Variants in CNTNAP2 observed in about 807,000 individuals in gnomAD.
The protein encoded by CNTNAP2 is contactin-associated protein-like 2.
A neutral mutation model predicts 155.2 loss-of-function variants in CNTNAP2; 98 were observed. The observed-to-expected ratio is 0.63, with a 90% CI of 0.54 to 0.75. CNTNAP2 has a LOEUF of 0.75. Among genes scored for constraint, CNTNAP2 ranks in the 30% least tolerant of loss-of-function variants. The probability of loss-of-function intolerance (pLI) is 0.00; values close to 1 mark genes in which losing one functional copy is unlikely to be tolerated. For synonymous variants in CNTNAP2, 651 were observed against 631.2 expected (o/e 1.03, Z -0.47); for missense variants, 1,727 against 1,688.1 (o/e 1.02, Z -0.40).
At chr7:147,884,503 A>T (rs902719217) in intron 13 of CNTNAP2, among the ~76,000 whole-genome samples, 2 of 152,190 alleles carry the variant, frequency 1.3e-5, no homozygotes, top group African/African-American at 2.4e-5. Context: ...AGAAAAAAAA[A>T]AAAATGACTA....
At chr7:146,294,932 A>G (rs1401207422) in intron 1 of CNTNAP2, among the ~76,000 whole-genome samples, 1 of 152,202 alleles carries the variant, frequency 6.6e-6, no homozygotes, top group Non-Finnish European at 1.5e-5. Flanking sequence ...TAGAGATTAT[A>G]TGCTTTTTAT....
chr7:147,181,612 G>C (rs1802456229), intron 8 of CNTNAP2, among the ~76,000 whole-genome samples: 1 of 151,998 alleles, frequency 6.6e-6, no homozygotes, highest in Non-Finnish European at 1.5e-5. Context: ...TTTTTAAGCA[G>C]GTGAAGTACA....
In CNTNAP2 at chr7:148,418,601, C is replaced by T. The variant is rs1463903507; in HGVS notation, c.*2985C>T. ...TGCAAGGTTAGTGAGATCCTAAGCT[C>T]TCAAAATAGCATATTCCCTAGAGCT... On this transcript the variant is annotated 3_prime_UTR_variant, in exon 24 of 24. Coordinates refer to ENST00000361727, the MANE Select transcript of CNTNAP2 (RefSeq NM_014141.6). The T allele has an allele frequency of 6.6e-6, 1 of 152,200 alleles. No individual in the cohort carries two copies. Among genetic ancestry groups the T allele is most frequent in the African/African-American group, 2.4e-5 (1 of 41,448 alleles). 9.4% of individuals were successfully genotyped at this position (152,200 alleles called of 1,614,324 possible). A position where few individuals can be genotyped will look rare whatever the true frequency, so the allele number is the denominator to read the frequency against.
intron 4 of CNTNAP2, among the ~76,000 whole-genome samples, chr7:147,066,692 A>C (rs1799785716): frequency 6.6e-6 from 1 of 152,202 alleles, no homozygotes; most frequent in South Asian, 2.1e-4. Flanking sequence ...AAATGTTGGC[A>C]TCAGTAATTA....
intron 12 of CNTNAP2, among the ~76,000 whole-genome samples, chr7:147,567,211 C>T (rs1021505942): frequency 2.0e-5 from 3 of 152,174 alleles, no homozygotes; most frequent in Non-Finnish European, 2.9e-5. Context: ...CATAGGACAC[C>T]AGCAAAATCT....
intron 15 of CNTNAP2, among the ~76,000 whole-genome samples, chr7:148,052,311 A>G (rs1010869933): frequency 1.3e-5 from 2 of 148,292 alleles, no homozygotes; most frequent in Non-Finnish European, 3.0e-5. Flanking sequence ...TATGTTTTTA[A>G]AAACTTTTAA....
rs73160678 is a variant in CNTNAP2, at chr7:146,141,592, T to C, written c.97+24619T>C. ...AAGTTTTAGATTCACTTGTGAATTA[T>C]TTATTAATTGTAAGATTGTACCTTT... is the stretch of plus-strand genomic sequence containing the variant. On this transcript the variant is annotated intron_variant, in intron 1 of 23. Coordinates refer to ENST00000361727, the MANE Select transcript of CNTNAP2 (RefSeq NM_014141.6). Among the ~76,000 whole-genome samples, 344 of 152,314 alleles carry C rather than the reference T, an allele frequency of 2.3e-3. 2 individuals carry two copies. Among genetic ancestry groups the C allele is most frequent in the Non-Finnish European group, 3.6e-3 (248 of 68,018 alleles).
intron 13 of CNTNAP2, among the ~76,000 whole-genome samples, chr7:147,865,939 C>A (rs1799218810): frequency 6.6e-6 from 1 of 151,996 alleles, no homozygotes; most frequent in African/African-American, 2.4e-5. Flanking sequence ...CTGCTCTGAT[C>A]TTAGTTATTT....
chr7:146,483,306 T>TATATATATATATATATAC (rs1797002736), intron 1 of CNTNAP2, among the ~76,000 whole-genome samples: 2 of 90,622 alleles, frequency 2.2e-5, no homozygotes, highest in Non-Finnish European at 4.3e-5. Context: ...TATATATATA[T>TATATATATATATATATAC]ATATATATAT....
intron 3 of CNTNAP2, among the ~76,000 whole-genome samples, chr7:147,003,511 A>T (rs1018358459): frequency 3.3e-5 from 5 of 152,010 alleles, no homozygotes; most frequent in African/African-American, 4.8e-5. Context: ...ATGATAAAAA[A>T]TGGGGAATAG....
At position 147,706,812 on chromosome 7, in the gene CNTNAP2, T is replaced by A. The variant is rs539058899; in HGVS notation, c.2098+67506T>A. Among the ~76,000 whole-genome samples, 286 of 152,294 alleles carry A rather than the reference T, an allele frequency of 1.9e-3. 1 individual carries two copies. The highest frequency in any genetic ancestry group is 0.01 in the Middle Eastern group (3 of 292). ...GTGTTCCATATGCCACAAGGCTTTG[T>A]TCATTCTTTTTAATTTTTTAAAATT... On this transcript the variant is annotated intron_variant, in intron 13 of 23. Transcript: ENST00000361727.
At chr7:146,195,174 G>A (rs1206478221) in intron 1 of CNTNAP2, 2 of 152,154 alleles carry the variant, frequency 1.3e-5, no homozygotes, top group African/African-American at 4.8e-5. Flanking sequence ...GCTTGCTGCA[G>A]TATTTATGTA....
intron 15 of CNTNAP2, among the ~76,000 whole-genome samples, chr7:148,099,868 G>GTTTTTTTTTTT (rs751537152): frequency 7.9e-5 from 7 of 88,804 alleles, no homozygotes; most frequent in Non-Finnish European, 1.0e-4. Flanking sequence ...TTTTTTTTTG[G>GTTTTTTTTTTT]TTTTTTTTTT....
At chr7:148,180,206 T>C (rs537972674) in intron 18 of CNTNAP2, among the ~76,000 whole-genome samples, 126 of 152,252 alleles carry the variant, frequency 8.3e-4, no homozygotes, top group South Asian at 2.3e-3. Context: ...TTCACATCAG[T>C]AGGGAGAGAA....
intron 1 of CNTNAP2, among the ~76,000 whole-genome samples, chr7:146,192,604 C>G (rs1281298780): frequency 6.6e-6 from 1 of 152,084 alleles, no homozygotes; most frequent in Non-Finnish European, 1.5e-5. Context: ...GGGAAAGACC[C>G]ACCCCCATGA....
At chr7:146,389,235 A>T (rs1300189419) in intron 1 of CNTNAP2, among the ~76,000 whole-genome samples, 1 of 150,176 alleles carries the variant, frequency 6.7e-6, no homozygotes, top group Non-Finnish European at 1.5e-5. Context: ...ACACACACAC[A>T]CACACACACA....
intron 13 of CNTNAP2, among the ~76,000 whole-genome samples, chr7:147,879,045 C>T (rs777611587): frequency 1.4e-4 from 22 of 152,176 alleles, no homozygotes; most frequent in African/African-American, 2.2e-4. Flanking sequence ...ACCTCTCTTT[C>T]GGCCTCAGTG....
At chr7:147,991,073 A>T (rs931719431) in intron 15 of CNTNAP2, among the ~76,000 whole-genome samples, 1 of 152,086 alleles carries the variant, frequency 6.6e-6, no homozygotes, top group East Asian at 1.9e-4. Flanking sequence ...TGAATAACAA[A>T]CACTCCTATC....
chr7:147,502,027 A>T (rs1228518413), intron 11 of CNTNAP2, among the ~76,000 whole-genome samples: 1 of 152,182 alleles, frequency 6.6e-6, no homozygotes, highest in Admixed American at 6.5e-5. Flanking sequence ...TGAGTGAAGG[A>T]TCCATACATT....
Sources: allele counts gnomAD v4.1 joint callset (sites outside exome capture counted in the v4.1 genomes callset), GRCh38; gene constraint gnomAD v4.1.1; transcripts MANE v1.5; gene names NCBI Gene and HGNC (gene_info 2026-07-23, HGNC 2026-07-21).